The following VGLL4 variants were observed in gnomAD, a reference collection of about 807,000 sequenced individuals.
VGLL4 encodes the protein transcription cofactor vestigial-like protein 4.
In VGLL4, 7 loss-of-function variants were observed where a neutral mutation model predicts 21.0. That is an observed-to-expected ratio of 0.33 (90% CI 0.19 to 0.63). The LOEUF (loss-of-function observed/expected upper bound fraction) is 0.63, where lower values mean the gene tolerates loss of function less well. VGLL4 is among the 20% of genes least tolerant of loss of function. The pLI, the probability that VGLL4 is intolerant of heterozygous loss-of-function variation, is 0.78. For missense variants in VGLL4, 394 were observed against 425.7 expected, an observed-to-expected ratio of 0.93 and a Z score of 0.66; for synonymous variants, 222 against 173.2, an observed-to-expected ratio of 1.28 and a Z score of -2.21.
At position 11,676,828 on chromosome 3, in the gene VGLL4, A is replaced by G. The variant is rs1449888409; in HGVS notation, c.64+26143T>C. Among the ~76,000 whole-genome samples the G allele has an allele frequency of 2.6e-5, 4 of 152,226 alleles. No individual in the cohort carries two copies. In the South Asian group the frequency reaches 8.3e-4, roughly 31 times the overall value. ...TAATAAAAAGGGTAACGGATTAATA[A>G]GTAAATTATATTACATCAACTCCAC... is the stretch of plus-strand genomic sequence containing the variant. On this transcript the variant is annotated intron_variant, in intron 2 of 5. Coordinates refer to the VGLL4 transcript ENST00000273038.
At position 11,718,322 on chromosome 3, in the gene VGLL4, G is replaced by T. The variant is rs535172265; in HGVS notation, c.-14+2072C>A. ...GTAAGACAAGAAACTTCTGAATCAA[G>T]TATTTCTAAATCCTTTATTTAAATT... On this transcript the variant is annotated intron_variant, in intron 1 of 5. Coordinates refer to the VGLL4 transcript ENST00000273038. Among the ~76,000 whole-genome samples, 5 of 152,288 alleles carry T rather than the reference G, an allele frequency of 3.3e-5. No individual in the cohort carries two copies. The South Asian group carries it at 1.0e-3, about 32-fold the overall frequency.
At chr3:11,580,154 C>T (rs920984567) in intron 2 of VGLL4, among the ~76,000 whole-genome samples, 4 of 152,232 alleles carry the variant, frequency 2.6e-5, no homozygotes, top group Admixed American at 6.5e-5. Context: ...ACTCTGCACT[C>T]ATTAAACACC....
upstream of VGLL4, among the ~76,000 whole-genome samples, chr3:11,647,485 C>T (rs1014095065): frequency 1.3e-5 from 2 of 152,056 alleles, no homozygotes; most frequent in Admixed American, 1.3e-4. Flanking sequence ...TTTTGGATTT[C>T]GGACCTTCTT....
At chr3:11,717,490 A>ATTTT (rs60921966) in intron 1 of VGLL4, among the ~76,000 whole-genome samples, 24,590 of 72,614 alleles carry the variant, frequency 0.34, 5,206 homozygotes, top group Non-Finnish European at 0.44. Context: ...CCCACTACAG[A>ATTTT]TTTTTTTTTT....
chr3:11,606,510 GCTGGA>G (rs1278900789), intron 1 of VGLL4, among the ~76,000 whole-genome samples: 6 of 152,242 alleles, frequency 3.9e-5, no homozygotes, highest in Non-Finnish European at 8.8e-5. Flanking sequence ...GGTGAGGCCA[GCTGGA>G]CTTGTAGGTT....
At chr3:11,600,797 C>T (rs2074775364) in intron 2 of VGLL4, among the ~76,000 whole-genome samples, 1 of 152,082 alleles carries the variant, frequency 6.6e-6, no homozygotes, top group African/African-American at 2.4e-5. Context: ...GCAGTGCCCT[C>T]AGGAATTGGA....
rs1252334938 is a variant in VGLL4, at chr3:11,719,620, G to C, written c.-14+774C>G. 1 of 152,194 alleles carries C rather than the reference G, an allele frequency of 6.6e-6. No homozygotes were observed. Among genetic ancestry groups the C allele is most frequent in the Non-Finnish European group, 1.5e-5 (1 of 68,122 alleles). The allele number at this position is 152,194 out of a possible 1,614,324, so 9.4% of individuals were successfully genotyped here. A position where few individuals can be genotyped will look rare whatever the true frequency, so the allele number is the denominator to read the frequency against. On this transcript the variant is annotated intron_variant, in intron 1 of 5. Coordinates refer to the VGLL4 transcript ENST00000273038. This position sits in a 1 kb window ranked among gnomAD's most constrained non-coding sequence, Gnocchi z 4.0. ...GGACCGGGCCGGCGGACGGGAGCGCGGGAGCGCGAGGAATCCCTGGAATGA... is the reference window on the plus strand; with the variant it reads ...GGACCGGGCCGGCGGACGGGAGCGCCGGAGCGCGAGGAATCCCTGGAATGA...
chr3:11,573,112 G>A (rs2073838158), intron 2 of VGLL4, among the ~76,000 whole-genome samples: 1 of 151,802 alleles, frequency 6.6e-6, no homozygotes, highest in Non-Finnish European at 1.5e-5. Context: ...GTTGCAGTGA[G>A]CCAAGATCGA....
chr3:11,631,980 T>G (rs908126006), intron 1 of VGLL4, among the ~76,000 whole-genome samples: 1 of 152,182 alleles, frequency 6.6e-6, no homozygotes, highest in Admixed American at 6.5e-5. Flanking sequence ...CTGACCACAG[T>G]ATTTTCAGAA....
At chr3:11,627,651 TACGTTAAATGTGTA>T (rs948421927) in intron 1 of VGLL4, among the ~76,000 whole-genome samples, 1 of 151,728 alleles carries the variant, frequency 6.6e-6, no homozygotes, top group Non-Finnish European at 1.5e-5. Flanking sequence ...ATCGCAGTAT[TACGTTAAATGTGTA>T]ATTTTCCAAG....
chr3:11,651,922 A>G (rs1261173763), intron 2 of VGLL4, among the ~76,000 whole-genome samples: 1 of 152,204 alleles, frequency 6.6e-6, no homozygotes, highest in East Asian at 1.9e-4. Flanking sequence ...AATTTTTCAC[A>G]AAAGCAAATA....
rs115539336 is a variant in VGLL4, at chr3:11,564,079, G to C, written c.495+718C>G. Among the ~76,000 whole-genome samples the C allele has an allele frequency of 3.8e-3, 572 of 152,286 alleles. 4 individuals are homozygous for C. Among genetic ancestry groups the C allele is most frequent in the African/African-American group, 0.013 (547 of 41,562 alleles). On this transcript the variant is annotated intron_variant, in intron 3 of 4. Coordinates refer to ENST00000430365, the MANE Select transcript of VGLL4 (RefSeq NM_001128219.3). ...TAGCAAATGCTGACTACTGACTAAG[G>C]ACCTATTAGGTCGCAGTCCCTGGAG...
At chr3:11,593,374 A>G (rs779022953) in intron 2 of VGLL4, among the ~76,000 whole-genome samples, 2 of 152,204 alleles carry the variant, frequency 1.3e-5, no homozygotes, top group Non-Finnish European at 2.9e-5. Context: ...AAGAAAATCC[A>G]GGGAAAACCC....
chr3:11,685,438 C>T (rs974598647), intron 2 of VGLL4, among the ~76,000 whole-genome samples: 1 of 152,066 alleles, frequency 6.6e-6, no homozygotes, highest in African/African-American at 2.4e-5. Context: ...ACCTTGTGAT[C>T]TGCCTGCCTT....
intron 2 of VGLL4, among the ~76,000 whole-genome samples, chr3:11,694,213 T>C (rs371693448): frequency 2.6e-5 from 4 of 152,350 alleles, no homozygotes; most frequent in East Asian, 3.9e-4. Context: ...TGTTATTTCA[T>C]GGAGAATCTT....
chr3:11,559,190 A>G, intron 4 of VGLL4, 142 bp downstream of exon 4: 2 of 1,372,320 alleles, frequency 1.5e-6, no homozygotes, highest in East Asian at 2.5e-5. Context: ...CTAGGCGCAC[A>G]CTGGACGTGC....
intron 2 of VGLL4, among the ~76,000 whole-genome samples, chr3:11,682,701 T>C (rs1252608782): frequency 2.0e-5 from 3 of 152,106 alleles, no homozygotes; most frequent in Non-Finnish European, 4.4e-5. Flanking sequence ...GTCCAACTCC[T>C]AAAACTGTTT....
At chr3:11,683,790 A>AT (rs1009111542) in intron 2 of VGLL4, among the ~76,000 whole-genome samples, 10 of 151,958 alleles carry the variant, frequency 6.6e-5, no homozygotes, top group African/African-American at 2.4e-4. Context: ...GAAAAAAAAA[A>AT]CCAAAAAACT....
At position 11,565,153 on chromosome 3, in the gene VGLL4, T is replaced by A; in HGVS notation, c.273-134A>T. On this transcript the variant is annotated intron_variant, in intron 2 of 4. Coordinates refer to ENST00000430365, the MANE Select transcript of VGLL4 (RefSeq NM_001128219.3). This position sits in a 1 kb window ranked among gnomAD's most constrained non-coding sequence, Gnocchi z 4.1. ...CAGGTCGTGTGGCTGGGCAGCACGA[T>A]GAGGAGCCGGTTGCCAGCCCGGGTC... 1 of 921,604 alleles carries A rather than the reference T, an allele frequency of 1.1e-6. No individual in the cohort carries two copies. Among genetic ancestry groups the A allele is most frequent in the Non-Finnish European group, 1.5e-6 (1 of 679,072 alleles). The allele number at this position is 921,604 out of a possible 1,614,324, so 57.1% of individuals were successfully genotyped here.
Sources: gnomAD v4.1 joint callset for allele counts (sites outside exome capture counted in the v4.1 genomes callset) on GRCh38, gnomAD v4.1.1 for gene constraint, Gnocchi (gnomAD v3.1) non-coding constraint, MANE v1.5 for transcripts, NCBI Gene and HGNC (gene_info 2026-07-23, HGNC 2026-07-21) for gene names.